The following RNF150 variants were observed in gnomAD, a reference collection of about 807,000 sequenced individuals.
RNF150 encodes the protein ring finger protein 150.
RNF150 carries 24 observed loss-of-function variants against 39.3 expected under a neutral mutation model. That is an observed-to-expected ratio of 0.61 (90% CI 0.44 to 0.86). RNF150 has a LOEUF of 0.86. RNF150 is among the 40% of genes least tolerant of loss of function. The pLI is 0.00. For missense variants in RNF150, 502 were observed against 587.8 expected (o/e 0.85, Z 1.51); for synonymous variants, 255 against 227.3 (o/e 1.12, Z -1.10).
intron 1 of RNF150, among the ~76,000 whole-genome samples, chr4:141,211,561 G>A (rs6856508): frequency 0.62 from 93,802 of 152,008 alleles, 31,466 homozygotes; most frequent in African/African-American, 0.88. Flanking sequence ...TTCGTATTAT[G>A]TTGAGTCTGC....
At chr4:141,198,372 T>G (rs1469835851) in intron 1 of RNF150, among the ~76,000 whole-genome samples, 1 of 152,144 alleles carries the variant, frequency 6.6e-6, no homozygotes. Flanking sequence ...TCCTGAGAGA[T>G]TAATTCATAG....
At chr4:141,109,848 T>C (rs1739329827) in intron 1 of RNF150, among the ~76,000 whole-genome samples, 1 of 152,060 alleles carries the variant, frequency 6.6e-6, no homozygotes, top group East Asian at 1.9e-4. Context: ...AGAAAGAAAA[T>C]ACAGTAAAGT....
At chr4:141,039,569 C>T (rs140443977) in intron 1 of RNF150, among the ~76,000 whole-genome samples, 2 of 152,180 alleles carry the variant, frequency 1.3e-5, no homozygotes, top group East Asian at 3.9e-4. Context: ...GGTGATGAAT[C>T]CTTTGTAAAA....
chr4:140,993,980 A>T (rs981860740), intron 1 of RNF150, among the ~76,000 whole-genome samples: 1 of 152,202 alleles, frequency 6.6e-6, no homozygotes, highest in African/African-American at 2.4e-5. Context: ...TTGTTGACAT[A>T]ACAGTGATAA....
intron 1 of RNF150, among the ~76,000 whole-genome samples, chr4:141,117,656 C>A (rs958647389): frequency 1.3e-5 from 2 of 152,202 alleles, no homozygotes; most frequent in African/African-American, 4.8e-5. Context: ...TTAAGCAATG[C>A]ATGACTATGT....
intron 5 of RNF150, among the ~76,000 whole-genome samples, chr4:140,925,310 C>G (rs1731347341): frequency 1.3e-5 from 2 of 152,154 alleles, no homozygotes; most frequent in Non-Finnish European, 2.9e-5. Flanking sequence ...GGAAAGTCTC[C>G]CTGGAGCATC....
At position 141,037,079 on chromosome 4, in the gene RNF150, T is replaced by C. The variant is rs150807842; in HGVS notation, c.485-69206A>G. The stretch of plus-strand genomic sequence containing the variant: ...TTTATATCTTGCATGCTATTCTTCA[T>C]TAGGGCACAAAATACACATGATCGT... On this transcript the variant is annotated intron_variant, in intron 1 of 6. Coordinates refer to ENST00000515673, the MANE Select transcript of RNF150 (RefSeq NM_020724.2). 2.8e-3 allele frequency among the ~76,000 whole-genome samples: 431 copies of C among 152,320 alleles called. 2 individuals carry two copies. The highest frequency in any genetic ancestry group is 8.4e-3 in the African/African-American group (348 of 41,584).
At chr4:141,104,789 C>T (rs1739142238) in intron 1 of RNF150, among the ~76,000 whole-genome samples, 2 of 152,136 alleles carry the variant, frequency 1.3e-5, no homozygotes, top group African/African-American at 2.4e-5. Flanking sequence ...TAAAGTACAC[C>T]AGTTTATACA....
chr4:141,159,851 C>T (rs528979598), intron 1 of RNF150, among the ~76,000 whole-genome samples: 39 of 152,218 alleles, frequency 2.6e-4, no homozygotes, highest in Admixed American at 7.2e-4. Flanking sequence ...GCCTGTCTTT[C>T]TTCTTTCTAA....
chr4:140,944,335 C>A (rs184958689), intron 4 of RNF150, among the ~76,000 whole-genome samples: 1 of 152,032 alleles, frequency 6.6e-6, no homozygotes, highest in African/African-American at 2.4e-5. Context: ...AAATCCAAAC[C>A]ACAGAAGTTA....
intron 1 of RNF150, among the ~76,000 whole-genome samples, chr4:141,056,352 A>T (rs1310913355): frequency 6.6e-6 from 1 of 152,144 alleles, no homozygotes; most frequent in East Asian, 1.9e-4. Flanking sequence ...CCTGGGCAAC[A>T]TAGTGAGACT....
At chr4:140,870,468 G>A (rs1728886431) in intron 6 of RNF150, among the ~76,000 whole-genome samples, 1 of 151,480 alleles carries the variant, frequency 6.6e-6, no homozygotes, top group African/African-American at 2.4e-5. Context: ...GTGTGTGTGT[G>A]TGTGTGTGTG....
At chr4:140,947,862 A>T in intron 3 of RNF150, 126 bp from the exon 4 acceptor site, 1 of 581,346 alleles carries the variant, frequency 1.7e-6, no homozygotes, top group African/African-American at 2.0e-5. Context: ...CCAGTTTTTA[A>T]ATCAAATGTA....
intron 1 of RNF150, among the ~76,000 whole-genome samples, chr4:141,002,253 T>A (rs1734692008): frequency 6.6e-6 from 1 of 152,198 alleles, no homozygotes; most frequent in African/African-American, 2.4e-5. Context: ...TAGATTTTTT[T>A]TTTTTACTTG....
At chr4:141,093,191 C>T (rs1038748010) in intron 1 of RNF150, among the ~76,000 whole-genome samples, 3 of 152,108 alleles carry the variant, frequency 2.0e-5, no homozygotes, top group African/African-American at 7.2e-5. Context: ...ACAGTGAAAC[C>T]CCATCTCTAC....
chr4:140,915,936 G>C (rs925356696), intron 5 of RNF150, among the ~76,000 whole-genome samples: 2 of 152,154 alleles, frequency 1.3e-5, no homozygotes, highest in African/African-American at 4.8e-5. Context: ...AGGCAAACAG[G>C]GTCTGGAGTG....
At position 141,167,418 on chromosome 4, in the gene RNF150, C is replaced by A. The variant is rs137957394; in HGVS notation, c.-6+45376G>T. On this transcript the variant is annotated intron_variant, in intron 1 of 7. Coordinates refer to the RNF150 transcript ENST00000420921. Reference sequence around the variant, plus strand: ...GGTATTCCTATCAAGCTACCATTGACTTTCTTCACAGAATTAGAAAAATCT... The same window carrying A: ...GGTATTCCTATCAAGCTACCATTGAATTTCTTCACAGAATTAGAAAAATCT... Among the ~76,000 whole-genome samples the A allele has an allele frequency of 1.9e-3, 295 of 152,234 alleles. 2 individuals carry two copies. Among genetic ancestry groups the A allele is most frequent in the African/African-American group, 6.6e-3 (276 of 41,516 alleles).
chr4:141,106,577 G>C (rs749440087), intron 1 of RNF150, among the ~76,000 whole-genome samples: 1 of 152,116 alleles, frequency 6.6e-6, no homozygotes, highest in African/African-American at 2.4e-5. Context: ...TGGATCACCT[G>C]AGGTTGGGAA....
At chr4:141,077,870 G>A (rs374106192) in intron 1 of RNF150, among the ~76,000 whole-genome samples, 1 of 152,192 alleles carries the variant, frequency 6.6e-6, no homozygotes, top group African/African-American at 2.4e-5. Context: ...GCCTTTGTTC[G>A]GGGTTTTGTC....
Sources: gnomAD v4.1 joint callset for allele counts (sites outside exome capture counted in the v4.1 genomes callset) on GRCh38, gnomAD v4.1.1 for gene constraint, MANE v1.5 for transcripts, NCBI Gene and HGNC (gene_info 2026-07-23, HGNC 2026-07-21) for gene names.